SLA: variants seen among roughly 807,000 people sequenced by gnomAD.
The protein encoded by SLA is Src like adaptor.
SLA carries 16 observed loss-of-function variants against 30.3 expected under a neutral mutation model. The observed-to-expected ratio is 0.53, with a 90% CI of 0.36 to 0.80. The LOEUF is 0.80. Ranked by LOEUF, SLA falls within the 30% of genes least tolerant of loss-of-function variation. The pLI is 0.01. For missense variants in SLA, 310 were observed against 345.2 expected (o/e 0.90, Z 0.81); for synonymous variants, 143 against 137.8 (o/e 1.04, Z -0.26).
At chr8:133,070,638 C>T (rs1405392423) in intron 2 of SLA, among the ~76,000 whole-genome samples, 2 of 152,226 alleles carry the variant, frequency 1.3e-5, no homozygotes, top group Non-Finnish European at 1.5e-5. Context: ...TGGGTCTAGC[C>T]TGTAAATCCT....
At chr8:133,094,627 G>A in intron 1 of SLA, 1 of 294,460 alleles carries the variant, frequency 3.4e-6, no homozygotes, top group Non-Finnish European at 6.7e-6. Flanking sequence ...CCATCTTAAT[G>A]CAGCTTGCTA....
chr8:133,095,995 A>C (rs555787082), intron 1 of SLA, among the ~76,000 whole-genome samples: 3 of 152,294 alleles, frequency 2.0e-5, no homozygotes, highest in African/African-American at 7.2e-5. Flanking sequence ...GCTCCCCTGG[A>C]GACCATCATT....
chr8:133,079,140 G>A lies in SLA; in HGVS notation c.-318-4010C>T, dbSNP rs552457539. 3.9e-5 allele frequency among the ~76,000 whole-genome samples: 6 copies of A among 152,268 alleles called. No individual in the cohort carries two copies. In the South Asian group the frequency reaches 6.2e-4, roughly 16 times the overall value. On this transcript the variant is annotated intron_variant, in intron 1 of 8. Transcript: ENST00000338087. Reference sequence around the variant, plus strand: ...AGCAGGTGATGCCCCCACCAAGGACGTCAAGTGTAAGCATGGAGTCAGGCC... The same window carrying A: ...AGCAGGTGATGCCCCCACCAAGGACATCAAGTGTAAGCATGGAGTCAGGCC...
intron 2 of SLA, among the ~76,000 whole-genome samples, chr8:133,068,964 T>C (rs1843530950): frequency 6.6e-6 from 1 of 152,254 alleles, no homozygotes. Context: ...CTCTAGATCA[T>C]ATAAGCAGGC....
chr8:133,071,888 C>T (rs1844109950), intron 2 of SLA, among the ~76,000 whole-genome samples: 1 of 152,148 alleles, frequency 6.6e-6, no homozygotes, highest in Non-Finnish European at 1.5e-5. Context: ...TTATATTCCT[C>T]AATGAAAAGC....
At chr8:133,083,672 A>C (rs2739169) in intron 1 of SLA, among the ~76,000 whole-genome samples, 3 of 152,036 alleles carry the variant, frequency 2.0e-5, no homozygotes, top group Non-Finnish European at 4.4e-5. Context: ...AAAGCCCATG[A>C]TCTCTCTATT....
At chr8:133,090,662 ACAT>A (rs1441910204) in intron 1 of SLA, among the ~76,000 whole-genome samples, 7 of 152,250 alleles carry the variant, frequency 4.6e-5, no homozygotes, top group African/African-American at 1.4e-4. Context: ...TGCAAATTAC[ACAT>A]CAGGTATTTT....
At chr8:133,086,916 A>G (rs1193392883) in intron 1 of SLA, among the ~76,000 whole-genome samples, 2 of 152,226 alleles carry the variant, frequency 1.3e-5, no homozygotes, top group African/African-American at 2.4e-5. Flanking sequence ...ATTCTCCCTA[A>G]TAACCTAAAA....
chr8:133,046,161 C>G (rs1482440593), intron 6 of SLA, among the ~76,000 whole-genome samples: 2 of 152,200 alleles, frequency 1.3e-5, no homozygotes, highest in Admixed American at 6.5e-5. Flanking sequence ...TCAGGGTCCT[C>G]TCTTGCTCTG....
chr8:133,045,637 C>T (rs1340863644), intron 6 of SLA, among the ~76,000 whole-genome samples: 3 of 152,022 alleles, frequency 2.0e-5, no homozygotes, highest in South Asian at 4.1e-4. Context: ...TCAAGTGATC[C>T]GCCCACCTCG....
chr8:133,098,486 C>T (rs1317901026), intron 1 of SLA, among the ~76,000 whole-genome samples: 1 of 152,316 alleles, frequency 6.6e-6, no homozygotes, highest in African/African-American at 2.4e-5. Context: ...GACAATTTCC[C>T]ACTCACCTCC....
intron 1 of SLA, chr8:133,096,102 A>G (rs2131642307): frequency 1.4e-6 from 2 of 1,418,604 alleles, no homozygotes; most frequent in Admixed American, 1.7e-5. Context: ...GTAGAGTCAT[A>G]GATGGATAAC....
At chr8:133,048,029 A>G (rs1191955768) in intron 5 of SLA, 96 bp from the exon 6 acceptor site, 2 of 667,902 alleles carry the variant, frequency 3.0e-6, no homozygotes, top group African/African-American at 1.8e-5. Flanking sequence ...CCTGAAACCT[A>G]ATCCTCACCT....
chr8:133,084,938 C>A (rs1846296504), intron 1 of SLA, among the ~76,000 whole-genome samples: 3 of 152,222 alleles, frequency 2.0e-5, no homozygotes, highest in Non-Finnish European at 1.5e-5. Context: ...GGCCTGAATC[C>A]AATTCCCCAG....
intron 1 of SLA, among the ~76,000 whole-genome samples, chr8:133,082,532 G>T (rs1231280000): frequency 6.6e-6 from 1 of 152,214 alleles, no homozygotes; most frequent in East Asian, 1.9e-4. Context: ...CTAGCTTGCT[G>T]CAGCAGAGCA....
At chr8:133,051,061 G>T in intron 3 of SLA, 146 bp from the exon 4 acceptor site, 1 of 619,766 alleles carries the variant, frequency 1.6e-6, no homozygotes, top group Non-Finnish European at 2.9e-6. Context: ...TTACAGCAAG[G>T]TCCTCTCTTC....
chr8:133,097,536 C>T (rs1038026468), intron 1 of SLA, among the ~76,000 whole-genome samples: 9 of 152,178 alleles, frequency 5.9e-5, no homozygotes, highest in African/African-American at 2.2e-4. Flanking sequence ...ATGCCTCTGA[C>T]ACATTGTAAA....
At chr8:133,063,648 C>T (rs1313709015) in intron 2 of SLA, 1 of 152,200 alleles carries the variant, frequency 6.6e-6, no homozygotes, top group Non-Finnish European at 1.5e-5. Flanking sequence ...TAACAGTCTT[C>T]TCTGCTGTTG....
intron 2 of SLA, among the ~76,000 whole-genome samples, chr8:133,072,235 GC>G (rs1450696316): frequency 6.6e-6 from 1 of 152,188 alleles, no homozygotes; most frequent in African/African-American, 2.4e-5. Flanking sequence ...GAACCACTGA[GC>G]CCCCAACCCC....
Sources: gnomAD v4.1 joint callset for allele counts (sites outside exome capture counted in the v4.1 genomes callset) on GRCh38, gnomAD v4.1.1 for gene constraint, MANE v1.5 for transcripts, NCBI Gene and HGNC (gene_info 2026-07-23, HGNC 2026-07-21) for gene names.